Variants in IL4 observed in about 807,000 individuals in gnomAD.
IL4 encodes interleukin 4.
IL4 carries 10 observed loss-of-function variants against 17.4 expected under a neutral mutation model. The ratio of observed to expected loss-of-function variants is 0.57; its 90% CI spans 0.35 to 0.97. The LOEUF is 0.97. Among genes scored for constraint, IL4 ranks in the 50% least tolerant of loss-of-function variants. The pLI is 0.01. For synonymous variants in IL4, 87 were observed against 79.0 expected (o/e 1.10, Z -0.54); for missense variants, 174 against 187.7 (o/e 0.93, Z 0.43).
intron 3 of IL4, 108 bp downstream of exon 3, chr5:132,679,998 A>C: frequency 1.1e-6 from 1 of 887,642 alleles, no homozygotes; most frequent in East Asian, 2.7e-5. Context: ...CAACCCATTC[A>C]TTCATTCACT....
intron 2 of IL4, among the ~76,000 whole-genome samples, chr5:132,676,495 C>T (rs1266615737): frequency 6.6e-5 from 10 of 152,032 alleles, no homozygotes; most frequent in Non-Finnish European, 1.5e-5. Context: ...CCCTCCCGTC[C>T]TTAACTCCCC....
chr5:132,682,387 A>C (rs1752504498), intron 3 of IL4, 99 bp from the exon 4 acceptor site: 1 of 707,610 alleles, frequency 1.4e-6, no homozygotes, highest in Admixed American at 2.5e-5. Context: ...TGGTTTTATA[A>C]GTGTTCAGGT....
At chr5:132,676,930 T>C (rs1415856856) in intron 2 of IL4, among the ~76,000 whole-genome samples, 1 of 152,116 alleles carries the variant, frequency 6.6e-6, no homozygotes, top group Non-Finnish European at 1.5e-5. Flanking sequence ...GTAACACCTG[T>C]CAGGGTGTCT....
At chr5:132,674,991 C>T (rs968797505) in intron 2 of IL4, among the ~76,000 whole-genome samples, 39 of 152,224 alleles carry the variant, frequency 2.6e-4, no homozygotes, top group African/African-American at 9.4e-4. Flanking sequence ...GCCTGGCCAC[C>T]TAACAGCCCT....
At position 132,676,324 on chromosome 5, in the gene IL4, A is replaced by G. The variant is rs186657608; in HGVS notation, c.183+1818A>G. Among the ~76,000 whole-genome samples the G allele has an allele frequency of 2.7e-3, 415 of 152,310 alleles. 1 individual carries two copies. The highest frequency in any genetic ancestry group is 9.7e-3 in the African/African-American group (401 of 41,550). On this transcript the variant is annotated intron_variant, in intron 2 of 3. Transcript: ENST00000231449. ...TAGTGCAAAGTGTTATTGTGAGATG[A>G]TATAACCACGATTAAAAGCAAGAAC...
At chr5:132,682,406 C>A in intron 3 of IL4, 80 bp from the exon 4 acceptor site, 2 of 832,366 alleles carry the variant, frequency 2.4e-6, no homozygotes, top group Admixed American at 2.0e-5. Context: ...GTGACAAGTG[C>A]CACAGTAGGC....
rs572376510 is a variant in IL4 at position 132,680,713 on chromosome 5, G to A, written c.360+823G>A. Reference sequence around the variant, plus strand: ...AAACCAGGCTAGAGACGATGGTGGCGTGGACAGAATGAAGCAAGATGGCCT... The same window carrying A: ...AAACCAGGCTAGAGACGATGGTGGCATGGACAGAATGAAGCAAGATGGCCT... On this transcript the variant is annotated intron_variant, in intron 3 of 3. Transcript: ENST00000231449. This position sits in a 1 kb window ranked among gnomAD's most constrained non-coding sequence, Gnocchi z 4.3. Among the ~76,000 whole-genome samples the A allele has an allele frequency of 1.6e-4, 24 of 149,392 alleles. 5 individuals carry two copies. Among genetic ancestry groups the A allele is most frequent in the South Asian group, 1.5e-3 (7 of 4,648 alleles).
rs1415842582 is a variant in IL4 at position 132,674,405 on chromosome 5, G to C, written c.136-54G>C. The C allele has an allele frequency of 3.2e-6, 5 of 1,566,844 alleles. No individual in the cohort carries two copies. In the African/African-American group the frequency reaches 6.8e-5, roughly 21 times the overall value. On this transcript the variant is annotated intron_variant, in intron 1 of 3. Coordinates refer to ENST00000231449, the MANE Select transcript of IL4 (RefSeq NM_000589.4). Reference sequence around the variant, plus strand: ...AGAGCTGCTCATCAAGGACTTCTCTGTCCGGTTGGAGGTTAACTCTGTCTC... The same window carrying C: ...AGAGCTGCTCATCAAGGACTTCTCTCTCCGGTTGGAGGTTAACTCTGTCTC...
Position 132,680,058 on chromosome 5 carries a change from G to A in IL4, c.360+168G>A, listed in dbSNP as rs1463620589. ...TCCACAAGTGCTGGGTGTGGTTCTA[G>A]GTGCTGAGGACGTGTCACTAAAGAC... On this transcript the variant is annotated intron_variant, in intron 3 of 3. Coordinates refer to ENST00000231449, the MANE Select transcript of IL4 (RefSeq NM_000589.4). The surrounding 1 kb of genome is among the most constrained non-coding windows in gnomAD (Gnocchi z 4.3). 1.3e-5 allele frequency among the ~76,000 whole-genome samples: 2 copies of A among 152,234 alleles called. No homozygotes were observed. Among genetic ancestry groups the A allele is most frequent in the Non-Finnish European group, 2.9e-5 (2 of 68,040 alleles).
Position 132,680,316 on chromosome 5 carries a change from G to A in IL4, c.360+426G>A, listed in dbSNP as rs1752461701. ...CTAGGGAGACCATTCCAGGCAGAAG[G>A]AGGAGGTATGCAAAGGCCTTAGGAT... On this transcript the variant is annotated intron_variant, in intron 3 of 3. Coordinates refer to ENST00000231449, the MANE Select transcript of IL4 (RefSeq NM_000589.4). The surrounding 1 kb of genome is among the most constrained non-coding windows in gnomAD (Gnocchi z 4.3). 6.6e-6 allele frequency among the ~76,000 whole-genome samples: 1 copy of A among 152,156 alleles called. No individual in the cohort carries two copies. The highest frequency in any genetic ancestry group is 1.5e-5 in the Non-Finnish European group (1 of 68,034).
intron 2 of IL4, among the ~76,000 whole-genome samples, chr5:132,676,430 C>A (rs557615578): frequency 6.6e-6 from 1 of 152,246 alleles, no homozygotes; most frequent in Admixed American, 6.5e-5. Context: ...GAGTCTGGGG[C>A]AATCCATCTG....
In IL4 at chr5:132,679,994, A is replaced by G. The variant is rs916190495; in HGVS notation, c.360+104A>G. On this transcript the variant is annotated intron_variant, in intron 3 of 3. Transcript: ENST00000231449. ...GAGCTGCAGCACCCTTGGTCAACCC[A>G]TTCATTCATTCACTCATTCAATAAG... is the stretch of plus-strand genomic sequence containing the variant. 16 of 900,178 alleles carry G rather than the reference A, an allele frequency of 1.8e-5. No individual in the cohort carries two copies. In the Admixed American group the frequency reaches 3.3e-4, roughly 19 times the overall value. 55.8% of individuals were successfully genotyped at this position (900,178 alleles called of 1,614,324 possible).
At chr5:132,681,718 T>C (rs900775452) in intron 3 of IL4, among the ~76,000 whole-genome samples, 14 of 151,892 alleles carry the variant, frequency 9.2e-5, no homozygotes, top group Non-Finnish European at 1.8e-4. Flanking sequence ...TAGCCCAGAG[T>C]GGATGTTATC....
At chr5:132,675,915 A>ATG (rs1409107227) in intron 2 of IL4, among the ~76,000 whole-genome samples, 3 of 98,380 alleles carry the variant, frequency 3.0e-5, no homozygotes, top group East Asian at 8.7e-4. Context: ...GTGTATGTAT[A>ATG]TATGTGTATG....
At chr5:132,674,329 C>A (rs2149878780) in intron 1 of IL4, 130 bp from the exon 2 acceptor site, 1 of 1,333,362 alleles carries the variant, frequency 7.5e-7, no homozygotes, top group Non-Finnish European at 1.1e-6. Flanking sequence ...TTCTCCCCTG[C>A]CACTCTTTTT....
In IL4 at chr5:132,674,144, C is replaced by T. The variant is rs1290532119; in HGVS notation, c.94C>T (p.Gln32Ter). The change falls in exon 1 of 4, where the codon CAG becomes TAG. Residue 32 changes from glutamine (Q) to a stop codon, truncating the protein, a stop_gained. Coordinates refer to ENST00000231449, the MANE Select transcript of IL4 (RefSeq NM_000589.4). LOFTEE classifies it high-confidence loss of function. ...CGGACACAAGTGCGATATCACCTTA[C>T]AGGAGATCATCAAAACTTTGAACAG... ...VHGHKCDITLQEIIKTLNSLT... is the reference protein window; with the variant it reads ...VHGHKCDITL The T allele has an allele frequency of 1.9e-6, 3 of 1,613,904 alleles. No individual in the cohort carries two copies. Among genetic ancestry groups the T allele is most frequent in the Non-Finnish European group, 1.7e-6 (2 of 1,179,770 alleles).
intron 2 of IL4, among the ~76,000 whole-genome samples, chr5:132,675,279 A>G (rs1752355971): frequency 6.6e-6 from 1 of 152,180 alleles, no homozygotes; most frequent in African/African-American, 2.4e-5. Context: ...TCCTGTTTTC[A>G]TGGAAACACA....
At chr5:132,677,793 C>G (rs1380586728) in intron 2 of IL4, 3 of 152,236 alleles carry the variant, frequency 2.0e-5, no homozygotes, top group African/African-American at 7.2e-5. Flanking sequence ...GCATGCATGT[C>G]TGCCCACCTC....
At chr5:132,682,303 T>C in intron 3 of IL4, among the ~76,000 whole-genome samples, 183 bp from the exon 4 acceptor site, 1 of 151,880 alleles carries the variant, frequency 6.6e-6, no homozygotes, top group East Asian at 1.9e-4. Context: ...GTGTAAGTAG[T>C]ATGCACCCAA....
Sources: gnomAD v4.1 joint callset for allele counts (sites outside exome capture counted in the v4.1 genomes callset) on GRCh38, gnomAD v4.1.1 for gene constraint, Gnocchi (gnomAD v3.1) non-coding constraint, MANE v1.5 for transcripts, NCBI Gene and HGNC (gene_info 2026-07-23, HGNC 2026-07-21) for gene names.